The following ASH1L variants were observed in gnomAD, a reference collection of about 807,000 sequenced individuals.
The protein encoded by ASH1L is ASH1 like histone lysine methyltransferase.
In ASH1L, 23 loss-of-function variants were observed where a neutral mutation model predicts 269.0. The ratio of observed to expected loss-of-function variants is 0.09; its 90% CI spans 0.06 to 0.12. ASH1L has a LOEUF of 0.12. Ranked by LOEUF, ASH1L falls within the 10% of genes least tolerant of loss-of-function variation. ASH1L has a pLI of 1.00. For missense variants in ASH1L, 2,912 were observed against 3,567.8 expected (o/e 0.82, Z 4.68); for synonymous variants, 1,187 against 1,253.5 (o/e 0.95, Z 1.12).
intron 10 of ASH1L, among the ~76,000 whole-genome samples, chr1:155,371,854 C>A (rs1030492635): frequency 6.6e-6 from 1 of 151,600 alleles, no homozygotes; most frequent in Admixed American, 6.6e-5. Flanking sequence ...TCACCACACC[C>A]GGCTATTTTT....
At chr1:155,363,863 C>G (rs932256279) in intron 12 of ASH1L, among the ~76,000 whole-genome samples, 2 of 151,408 alleles carry the variant, frequency 1.3e-5, no homozygotes, top group African/African-American at 4.9e-5. Flanking sequence ...GTTACAGCTA[C>G]TCAGGAGGCT....
At chr1:155,523,167 C>T (rs777274805) in intron 1 of ASH1L, among the ~76,000 whole-genome samples, 1 of 152,104 alleles carries the variant, frequency 6.6e-6, no homozygotes, top group Non-Finnish European at 1.5e-5. Context: ...ATATTTTAAA[C>T]GATGTGCCCT....
rs1035127817 is a variant in ASH1L, at chr1:155,480,399, T to C, written c.2471A>G (p.Tyr824Cys). The change falls in exon 3 of 28, where the codon TAT becomes TGT. Residue 824 changes from tyrosine to cysteine, a missense_variant. By Grantham distance (194) the Tyr-to-Cys change is radical (BLOSUM62 -2). Coordinates refer to ENST00000392403, the MANE Select transcript of ASH1L (RefSeq NM_018489.3). Reference sequence around the variant, plus strand: ...TTTAGGCCTTCCTCTTTTGGGCTTATAAATATCAGACAAAAGGTCACTAGA... The same window carrying C: ...TTTAGGCCTTCCTCTTTTGGGCTTACAAATATCAGACAAAAGGTCACTAGA... ...CVSSDLLSDIYKPKRGRPKSK... is the reference protein window; with the variant it reads ...CVSSDLLSDICKPKRGRPKSK... 3 of 1,614,128 alleles carry C rather than the reference T, an allele frequency of 1.9e-6. No individual in the cohort carries two copies. Among genetic ancestry groups the C allele is most frequent in the African/African-American group, 1.3e-5 (1 of 75,068 alleles).
chr1:155,559,710 T>C (rs1261488135), intron 1 of ASH1L, among the ~76,000 whole-genome samples: 1 of 152,170 alleles, frequency 6.6e-6, no homozygotes, highest in East Asian at 1.9e-4. Flanking sequence ...CCTTGTCCTT[T>C]TGAGAGCTGC....
Position 155,337,728 on chromosome 1 carries a change from C to T in ASH1L, c.8827G>A (p.Glu2943Lys). ...KNAIDVTYLL[E>K]EGSGRKLRRR... ...CGCAGTTTCCTGCCTGATCCTTCCT[C>T]CAGCAAGTAGGTCACATCAATGGCT... Residue 2943 changes from glutamate (E) to lysine (K), a missense_variant, in exon 28 of 28, where the codon GAG becomes AAG. Transcript: ENST00000392403. 1 of 1,614,054 alleles carries T rather than the reference C, an allele frequency of 6.2e-7. No homozygotes were observed.
chr1:155,423,240 C>T lies in ASH1L; in HGVS notation c.5829-7317G>A, dbSNP rs531585732. 8.6e-5 allele frequency among the ~76,000 whole-genome samples: 13 copies of T among 151,576 alleles called. No individual in the cohort carries two copies. In the East Asian group the frequency reaches 2.0e-3, roughly 23 times the overall value. On this transcript the variant is annotated intron_variant, in intron 5 of 27. Coordinates refer to ENST00000392403, the MANE Select transcript of ASH1L (RefSeq NM_018489.3). ...TTGGGATTACAGGCGTGAGCCACCA[C>T]GCCTGGACATGTATGCTTTTTTAAG... is the stretch of plus-strand genomic sequence containing the variant.
At chr1:155,449,001 TC>T (rs1663250354) in intron 4 of ASH1L, among the ~76,000 whole-genome samples, 1 of 152,066 alleles carries the variant, frequency 6.6e-6, no homozygotes, top group Non-Finnish European at 1.5e-5. Context: ...TAGCACGATC[TC>T]GTCTCACTGC....
At chr1:155,465,875 G>C (rs1664650443) in intron 3 of ASH1L, among the ~76,000 whole-genome samples, 1 of 152,146 alleles carries the variant, frequency 6.6e-6, no homozygotes, top group East Asian at 1.9e-4. Context: ...ATGGTTCACA[G>C]TTGATAGCCA....
At chr1:155,464,067 TCA>T (rs1664503959) in intron 3 of ASH1L, among the ~76,000 whole-genome samples, 1 of 152,134 alleles carries the variant, frequency 6.6e-6, no homozygotes, top group South Asian at 2.1e-4. Context: ...GGCTTTCTGC[TCA>T]GTTTTTTCCC....
At chr1:155,440,903 A>G (rs959984284) in intron 4 of ASH1L, among the ~76,000 whole-genome samples, 1 of 152,176 alleles carries the variant, frequency 6.6e-6, no homozygotes, top group Non-Finnish European at 1.5e-5. Context: ...ATGATACCAT[A>G]AAGCTAACAT....
Position 155,453,929 on chromosome 1 carries a change from C to T in ASH1L, c.5086+5868G>A, listed in dbSNP as rs182043003. On this transcript the variant is annotated intron_variant, in intron 4 of 27. Transcript: ENST00000392403. Reference sequence around the variant, plus strand: ...CATCCTGGCTAACACGGTGAAACCCCGTCTCTACTAAAAATACAAAAAGAA... The same window carrying T: ...CATCCTGGCTAACACGGTGAAACCCTGTCTCTACTAAAAATACAAAAAGAA... 2.6e-3 allele frequency among the ~76,000 whole-genome samples: 388 copies of T among 152,138 alleles called. 3 individuals are homozygous for T. Among genetic ancestry groups the T allele is most frequent in the Non-Finnish European group, 4.6e-3 (314 of 67,992 alleles).
rs1172227386 is a variant in ASH1L at position 155,481,322 on chromosome 1, G to A, written c.1548C>T (p.Thr516=). 1 of 1,614,074 alleles carries A rather than the reference G, an allele frequency of 6.2e-7. No individual in the cohort carries two copies. The highest frequency in any genetic ancestry group is 8.5e-7 in the Non-Finnish European group (1 of 1,179,976). Residue 516 remains threonine, a synonymous_variant, in exon 3 of 28, where the codon ACC becomes ACT. Coordinates refer to ENST00000392403, the MANE Select transcript of ASH1L (RefSeq NM_018489.3). ...CAGGAGGCTGCTTTTCATGCTTTGAGGTTTCATAAGATCCCTTTTCACTGG... is the reference window on the plus strand; with the variant it reads ...CAGGAGGCTGCTTTTCATGCTTTGAAGTTTCATAAGATCCCTTTTCACTGG... ...FSSSEKGSYE[T]SKHEKQPPVY...
At position 155,482,352 on chromosome 1, in the gene ASH1L, G is replaced by A. The variant is rs887857049; in HGVS notation, c.518C>T (p.Pro173Leu). 1.2e-6 allele frequency: 2 copies of A among 1,614,122 alleles called. No homozygotes were observed. Among genetic ancestry groups the A allele is most frequent in the Admixed American group, 1.7e-5 (1 of 60,006 alleles). ...TACTGGAGACAGCTTCTTAGACAAA[G>A]GATTGTTTTCTCCCTGTGAATGAAG... ...IRLHSQGENN[P>L]LSKKLSPVHS... is the part of the protein sequence containing the mutation. Residue 173 changes from proline (P) to leucine (L), a missense_variant, in exon 3 of 28, where the codon CCT (proline) becomes CTT (leucine). By Grantham distance (98) the Pro-to-Leu change is moderately conservative (BLOSUM62 -3). Coordinates refer to ENST00000392403, the MANE Select transcript of ASH1L (RefSeq NM_018489.3).
At chr1:155,491,814 A>C (rs1284785871) in intron 2 of ASH1L, among the ~76,000 whole-genome samples, 2 of 151,710 alleles carry the variant, frequency 1.3e-5, no homozygotes, top group Non-Finnish European at 2.9e-5. Context: ...GCTGGTTTAC[A>C]GGGACCCACC....
intron 3 of ASH1L, among the ~76,000 whole-genome samples, chr1:155,474,865 T>G (rs1300961676): frequency 6.6e-6 from 1 of 152,240 alleles, no homozygotes; most frequent in East Asian, 1.9e-4. Flanking sequence ...CAATTGCCTA[T>G]TAACCAGTTT....
At chr1:155,441,948 G>A (rs538142789) in intron 4 of ASH1L, among the ~76,000 whole-genome samples, 1 of 151,834 alleles carries the variant, frequency 6.6e-6, no homozygotes, top group Non-Finnish European at 1.5e-5. Context: ...TGTATTTTTT[G>A]TAGAGATGGA....
Position 155,482,269 on chromosome 1 carries a change from C to T in ASH1L, c.601G>A (p.Asp201Asn), listed in dbSNP as rs1209049136. The change falls in exon 3 of 28, where the codon GAT becomes AAT. Residue 201 changes from aspartate (D) to asparagine (N), a missense_variant. Around this residue, in one of 13 missense-constraint regions of ASH1L, gnomAD observed 277 missense variants for 367.7 expected, o/e 0.75. Coordinates refer to ENST00000392403, the MANE Select transcript of ASH1L (RefSeq NM_018489.3). ...AATGCTCTGTCCTTTAAATCAGGAT[C>T]CCGGCTACCAAGAAGAGTAGATGGC... ...ATPSTLLGSR[D>N]PDLKDRALLN... is the part of the protein sequence containing the mutation. 2 of 1,613,998 alleles carry T rather than the reference C, an allele frequency of 1.2e-6. No individual in the cohort carries two copies. Among genetic ancestry groups the T allele is most frequent in the Non-Finnish European group, 1.7e-6 (2 of 1,180,018 alleles).
chr1:155,408,627 G>A (rs1335918995), intron 6 of ASH1L, among the ~76,000 whole-genome samples: 1 of 152,158 alleles, frequency 6.6e-6, no homozygotes, highest in Non-Finnish European at 1.5e-5. Context: ...GTAATCTGAA[G>A]ACATGTATAA....
chr1:155,357,025 G>A (rs1654459138), intron 15 of ASH1L, among the ~76,000 whole-genome samples: 1 of 142,848 alleles, frequency 7.0e-6, no homozygotes, highest in African/African-American at 2.5e-5. Context: ...AAGCCCAGGA[G>A]TTGAGCCAGG....
Sources: allele counts gnomAD v4.1 joint callset (sites outside exome capture counted in the v4.1 genomes callset), GRCh38; gene constraint gnomAD v4.1.1; regional missense constraint gnomAD v4.1.1; transcripts MANE v1.5; gene names NCBI Gene and HGNC (gene_info 2026-07-23, HGNC 2026-07-21).